MINAR1: variants seen among roughly 807,000 people sequenced by gnomAD.
MINAR1 encodes the protein membrane integral NOTCH2 associated receptor 1.
MINAR1 carries 40 observed loss-of-function variants against 65.1 expected under a neutral mutation model. The ratio of observed to expected loss-of-function variants is 0.61; its 90% confidence interval spans 0.48 to 0.80. The LOEUF (loss-of-function observed/expected upper bound fraction) is 0.80. Among genes scored for constraint, MINAR1 ranks in the 30% least tolerant of loss-of-function variants. The pLI, the probability that MINAR1 is intolerant of heterozygous loss-of-function variation, is 0.00. For synonymous variants in MINAR1, 482 were observed against 449.1 expected (o/e 1.07, Z -0.93); for missense variants, 1,128 against 1,148.0 (o/e 0.98, Z 0.25).
chr15:79,459,299 T>A (rs1895556501), intron 2 of MINAR1, among the ~76,000 whole-genome samples: 1 of 152,262 alleles, frequency 6.6e-6, no homozygotes. Flanking sequence ...TGGAGGCTCT[T>A]TCACGTAAGC....
At position 79,458,397 on chromosome 15, in the gene MINAR1, A is replaced by T. The variant is rs1297711876; in HGVS notation, c.2250A>T (p.Lys750Asn). The change falls in exon 2 of 4, where the codon AAA becomes AAT. Residue 750 changes from lysine (K) to asparagine (N), a missense_variant. Coordinates refer to ENST00000305428, the MANE Select transcript of MINAR1 (RefSeq NM_015206.3). Reference protein sequence around the residue: ...NRVGLNEEEIKDTGPGDNKDW... With the variant: ...NRVGLNEEEINDTGPGDNKDW... ...TGGGCCTCAATGAGGAGGAGATAAA[A>T]GACACAGGCCCAGGAGATAATAAAG... 6.2e-7 allele frequency: 1 copy of T among 1,614,070 alleles called. No homozygotes were observed. Among genetic ancestry groups the T allele is most frequent in the Non-Finnish European group, 8.5e-7 (1 of 1,180,040 alleles).
At chr15:79,461,158 G>C (rs540525857) in intron 2 of MINAR1, among the ~76,000 whole-genome samples, 1 of 152,352 alleles carries the variant, frequency 6.6e-6, no homozygotes, top group African/African-American at 2.4e-5. Context: ...ACTGCCCAGT[G>C]AGAACACAAA....
intron 2 of MINAR1, among the ~76,000 whole-genome samples, chr15:79,459,414 G>T (rs1895568455): frequency 6.6e-6 from 1 of 152,148 alleles, no homozygotes; most frequent in African/African-American, 2.4e-5. Context: ...TGCAGTAAGG[G>T]TGGTTTGTTT....
In MINAR1 at chr15:79,457,561, A is replaced by C; in HGVS notation, c.1414A>C (p.Ser472Arg). ...CTSGQLSSDT[S>R]SVGTQTEHVL... The stretch of plus-strand genomic sequence containing the variant: ...CAGTGGGCAGCTCAGCTCAGACACC[A>C]GTAGCGTGGGCACCCAGACTGAGCA... Residue 472 changes from serine (S) to arginine (R), a missense_variant, in exon 2 of 4, where the codon AGT becomes CGT. Ser to Arg is a moderately radical substitution (Grantham distance 110). Coordinates refer to ENST00000305428, the MANE Select transcript of MINAR1 (RefSeq NM_015206.3). The C allele has an allele frequency of 6.2e-7, 1 of 1,614,220 alleles. No homozygotes were observed. The highest frequency in any genetic ancestry group is 8.5e-7 in the Non-Finnish European group (1 of 1,180,032).
At chr15:79,449,012 C>A (rs76936769) in intron 1 of MINAR1, among the ~76,000 whole-genome samples, 2,409 of 152,220 alleles carry the variant, frequency 0.016, 60 homozygotes, top group East Asian at 0.11. Flanking sequence ...TTATCATGCC[C>A]AGAATGTGGC....
upstream of MINAR1, among the ~76,000 whole-genome samples, chr15:79,428,236 C>T (rs1343600044): frequency 7.7e-6 from 1 of 130,068 alleles, no homozygotes; most frequent in Non-Finnish European, 1.6e-5. Flanking sequence ...CCCCTCCCTC[C>T]CTCCTCTCCC....
intron 2 of MINAR1, among the ~76,000 whole-genome samples, chr15:79,460,171 C>A (rs1375905690): frequency 1.3e-5 from 2 of 152,214 alleles, no homozygotes; most frequent in Non-Finnish European, 2.9e-5. Context: ...TTGTCCCCTT[C>A]TGCAACCTCA....
At chr15:79,419,928 A>T in the MINAR1 span, 5 of 152,230 alleles carry the variant, frequency 3.3e-5, no homozygotes, top group African/African-American at 1.2e-4. Context: ...ATCTGAGAAA[A>T]AAAAGCTTAA....
rs1371190772 is a variant in MINAR1, at chr15:79,457,470, A to G, written c.1323A>G (p.Ser441=). The G allele has an allele frequency of 1.2e-6, 2 of 1,614,096 alleles. No homozygotes were observed. The highest frequency in any genetic ancestry group is 2.7e-5 in the African/African-American group (2 of 74,942). ...ATGGGCTCAAATCTAAAGAGATCTC[A>G]TCCCCTGTTGACCTGGAGAAGCATG... ...KQNGLKSKEI[S]SPVDLEKHEP... is the part of the protein sequence containing the mutation. Residue 441 remains serine (S), a synonymous_variant, in exon 2 of 4, where the codon TCA becomes TCG. Coordinates refer to ENST00000305428, the MANE Select transcript of MINAR1 (RefSeq NM_015206.3).
At position 79,457,640 on chromosome 15, in the gene MINAR1, A is replaced by G. The variant is rs759682450; in HGVS notation, c.1493A>G (p.Tyr498Cys). 64 of 1,614,088 alleles carry G rather than the reference A, an allele frequency of 4.0e-5. No individual in the cohort carries two copies. The highest frequency in any genetic ancestry group is 5.3e-5 in the Non-Finnish European group (62 of 1,180,044). The part of the protein sequence containing the change: ...RDLCTSGQGK[Y>C]SDRHTMKHSD... ...CTGTGCACCTCTGGTCAGGGCAAGT[A>G]CAGTGACAGGCACACCATGAAGCAC... The change falls in exon 2 of 4, where the codon TAC (tyrosine) becomes TGC (cysteine). Residue 498 changes from tyrosine (Y) to cysteine (C), a missense_variant. Physicochemically the swap from Tyr to Cys is radical, Grantham distance 194. Transcript: ENST00000305428.
At chr15:79,415,919 T>C in the MINAR1 span, 177 of 152,332 alleles carry the variant, frequency 1.2e-3, 1 homozygote, top group African/African-American at 4.0e-3. Flanking sequence ...AGTAAGGCAA[T>C]ACTTTTAAAA....
At chr15:79,425,228 TG>T in the MINAR1 span, 1 of 152,086 alleles carries the variant, frequency 6.6e-6, no homozygotes, top group African/African-American at 2.4e-5. Context: ...TTATTAGAGA[TG>T]GGGTTTCACC....
intron 1 of MINAR1, among the ~76,000 whole-genome samples, chr15:79,452,437 TGTGTGAGTGTGTGTGG>T (rs1457570124): frequency 6.6e-6 from 1 of 151,706 alleles, no homozygotes; most frequent in Non-Finnish European, 1.5e-5. Flanking sequence ...TGGGTGAGTC[TGTGTGAGTGTGTGTGG>T]GTGTGAGTCT....
Position 79,457,911 on chromosome 15 carries a change from G to A in MINAR1, c.1764G>A (p.Ser588=), listed in dbSNP as rs74911404. The change falls in exon 2 of 4, where the codon TCG becomes TCA. Residue 588 remains serine (S), a synonymous_variant. Coordinates refer to ENST00000305428, the MANE Select transcript of MINAR1 (RefSeq NM_015206.3). ...ACCGGCCTGAAAACACCCACCACTCGGAAGAAGAGCTGAAGACCAGTGTGT... is the reference window on the plus strand; with the variant it reads ...ACCGGCCTGAAAACACCCACCACTCAGAAGAAGAGCTGAAGACCAGTGTGT... ...KGNRPENTHH[S]EEELKTSVCK... is the part of the protein sequence containing the mutation. The A allele has an allele frequency of 0.016, 25,586 of 1,614,152 alleles. 249 individuals carry two copies. Among genetic ancestry groups the A allele is most frequent in the Non-Finnish European group, 0.019 (22,311 of 1,180,022 alleles).
At chr15:79,444,186 T>A (rs1894946380) in intron 1 of MINAR1, among the ~76,000 whole-genome samples, 1 of 152,234 alleles carries the variant, frequency 6.6e-6, no homozygotes, top group African/African-American at 2.4e-5. Context: ...ATTAGTATCA[T>A]ATTAGTTCCT....
Position 79,471,732 on chromosome 15 carries a change from G to GA in MINAR1, c.*3355dup, listed in dbSNP as rs1366449502. 2 of 149,826 alleles carry GA rather than the reference G, an allele frequency of 1.3e-5. No homozygotes were observed. Among genetic ancestry groups the GA allele is most frequent in the South Asian group, 2.1e-4 (1 of 4,754 alleles). The allele number at this position is 149,826 out of a possible 1,614,324, so 9.3% of individuals were successfully genotyped here. On this transcript the variant is annotated 3_prime_UTR_variant, in exon 4 of 4. Transcript: ENST00000305428. Reference sequence around the variant, plus strand: ...TGTTGTTGTTTTTTTTTTTGAAATAGAAAAAAACAGAAGAAGCTCTGCCAA... The same window carrying GA: ...TGTTGTTGTTTTTTTTTTTGAAATAGAAAAAAAACAGAAGAAGCTCTGCCAA...
upstream of MINAR1, among the ~76,000 whole-genome samples, chr15:79,432,044 A>G (rs879786842): frequency 1.6e-4 from 24 of 151,552 alleles, no homozygotes; most frequent in Non-Finnish European, 3.1e-4. Flanking sequence ...GCGGCGGTGG[A>G]GAAGCCCAGC....
At chr15:79,466,995 TGAACCCCCATGGGAGCTTGAGGGCAGGG>T (rs1237652774) in intron 3 of MINAR1, among the ~76,000 whole-genome samples, 1 of 152,220 alleles carries the variant, frequency 6.6e-6, no homozygotes, top group African/African-American at 2.4e-5. Context: ...CTTCATTGGC[TGAACCCCCATGGGAGCTTGAGGGCAGGG>T]GAGCCCCCAT....
intron 3 of MINAR1, among the ~76,000 whole-genome samples, chr15:79,464,105 A>C (rs892198640): frequency 6.6e-6 from 1 of 152,120 alleles, no homozygotes; most frequent in African/African-American, 2.4e-5. Flanking sequence ...GCCTTGCTCT[A>C]AAAGAGGGCT....
Sources: gnomAD v4.1 joint callset for allele counts (sites outside exome capture counted in the v4.1 genomes callset) on GRCh38, gnomAD v4.1.1 for gene constraint, MANE v1.5 for transcripts, NCBI Gene and HGNC (gene_info 2026-07-23, HGNC 2026-07-21) for gene names.